Variants in CSTPP1 observed in about 807,000 individuals in gnomAD.
CSTPP1 encodes the protein UPF0705 protein C11orf49.
chr11:47,137,611 A>G, the CSTPP1 span: 6 of 1,614,024 alleles, frequency 3.7e-6, no homozygotes, highest in South Asian at 6.6e-5. Flanking sequence ...TGAAATGCAG[A>G]GACCTAATGT....
At chr11:46,956,147 G>GT in the CSTPP1 span, among the ~76,000 whole-genome samples, 1 of 152,192 alleles carries the variant, frequency 6.6e-6, no homozygotes, top group Admixed American at 6.5e-5. Flanking sequence ...GTGTGGGTGT[G>GT]TAAGTTTTCT....
the CSTPP1 span, among the ~76,000 whole-genome samples, chr11:47,032,396 G>T: frequency 3.3e-5 from 5 of 152,044 alleles, no homozygotes; most frequent in African/African-American, 1.2e-4. Context: ...TGACAGTATT[G>T]TAGACAAAGC....
chr11:47,116,944 G>T, the CSTPP1 span, among the ~76,000 whole-genome samples: 1 of 152,120 alleles, frequency 6.6e-6, no homozygotes, highest in Non-Finnish European at 1.5e-5. Flanking sequence ...GCCTCCCAAA[G>T]TGCTGGGATT....
At chr11:47,017,278 G>A in the CSTPP1 span, among the ~76,000 whole-genome samples, 9 of 150,082 alleles carry the variant, frequency 6.0e-5, no homozygotes, top group Admixed American at 5.3e-4. Context: ...AGGTTCAAGC[G>A]GTTCTCCCAC....
chr11:47,053,389 C>T, the CSTPP1 span, among the ~76,000 whole-genome samples: 1 of 152,088 alleles, frequency 6.6e-6, no homozygotes, highest in African/African-American at 2.4e-5. Flanking sequence ...GATGCCAAGG[C>T]AGGTGGATCA....
the CSTPP1 span, among the ~76,000 whole-genome samples, chr11:47,110,890 C>CTTTTTTTTT: frequency 2.7e-3 from 343 of 125,404 alleles, 11 homozygotes; most frequent in East Asian, 8.9e-3. Context: ...GAGAACACAT[C>CTTTTTTTTT]TTTTTTTTTT....
chr11:47,025,881 A>G, the CSTPP1 span, among the ~76,000 whole-genome samples: 2 of 152,226 alleles, frequency 1.3e-5, no homozygotes, highest in Non-Finnish European at 2.9e-5. Context: ...ATTAGAATTG[A>G]GTTTAAAAAG....
chr11:46,991,109 T>C, the CSTPP1 span, among the ~76,000 whole-genome samples: 1 of 152,176 alleles, frequency 6.6e-6, no homozygotes, highest in Admixed American at 6.5e-5. Flanking sequence ...CTTCTGGTTT[T>C]TGGGAACATT....
the CSTPP1 span, chr11:47,052,760 TACCTATTAAGAGCCA>T: frequency 5.0e-6 from 2 of 396,660 alleles, no homozygotes; most frequent in Non-Finnish European, 8.9e-6. Flanking sequence ...TCACTAATGG[TACCTATTAAGAGCCA>T]AGTGTAGCTC....
the CSTPP1 span, among the ~76,000 whole-genome samples, chr11:47,014,958 A>G: frequency 3.9e-5 from 6 of 152,302 alleles, no homozygotes; most frequent in East Asian, 1.2e-3. Flanking sequence ...AAAATCGGAA[A>G]ATCATGAGCC....
chr11:47,086,265 C>G, the CSTPP1 span, among the ~76,000 whole-genome samples: 1 of 139,370 alleles, frequency 7.2e-6, no homozygotes, highest in Non-Finnish European at 1.5e-5. Context: ...AAATAGCTGG[C>G]TGTGGTAGTA....
At chr11:47,060,929 A>G in the CSTPP1 span, among the ~76,000 whole-genome samples, 4 of 152,234 alleles carry the variant, frequency 2.6e-5, no homozygotes, top group Non-Finnish European at 5.9e-5. Flanking sequence ...GGAGACTACT[A>G]CAATATAACA....
At chr11:47,044,286 C>T in the CSTPP1 span, among the ~76,000 whole-genome samples, 1 of 152,058 alleles carries the variant, frequency 6.6e-6, no homozygotes, top group East Asian at 1.9e-4. Flanking sequence ...CGCTCCTGGA[C>T]AGTTTATTTT....
the CSTPP1 span, among the ~76,000 whole-genome samples, chr11:47,009,154 C>T: frequency 1.3e-5 from 2 of 152,116 alleles, no homozygotes; most frequent in Admixed American, 6.5e-5. Flanking sequence ...TCACCTTTCT[C>T]GGTTTTATTC....
chr11:46,996,961 G>A, the CSTPP1 span, among the ~76,000 whole-genome samples: 3 of 152,278 alleles, frequency 2.0e-5, no homozygotes, highest in South Asian at 4.1e-4. Flanking sequence ...CGGGTAACCC[G>A]ACCTTTCCCT....
the CSTPP1 span, chr11:46,987,570 G>A: frequency 2.9e-6 from 1 of 342,482 alleles, no homozygotes; most frequent in Non-Finnish European, 5.4e-6. Context: ...ATCTATTTCT[G>A]TAGGTTTCTC....
chr11:47,157,719 C>A, the CSTPP1 span: 2 of 1,241,096 alleles, frequency 1.6e-6, no homozygotes, highest in Non-Finnish European at 1.2e-6. Context: ...AGGTCCCTGG[C>A]TTGGCTGTGG....
At chr11:46,938,992 G>A in the CSTPP1 span, among the ~76,000 whole-genome samples, 1 of 150,718 alleles carries the variant, frequency 6.6e-6, no homozygotes, top group Non-Finnish European at 1.5e-5. Flanking sequence ...GTCCAGGTTG[G>A]TCTTGAACTC....
At chr11:47,089,773 T>C in the CSTPP1 span, among the ~76,000 whole-genome samples, 1 of 152,174 alleles carries the variant, frequency 6.6e-6, no homozygotes, top group South Asian at 2.1e-4. Flanking sequence ...ATTGATCAGG[T>C]CAGCAGTGAC....
Sources: allele counts gnomAD v4.1 joint callset (sites outside exome capture counted in the v4.1 genomes callset), GRCh38; gene constraint gnomAD v4.1.1; transcripts MANE v1.5; gene names NCBI Gene and HGNC (gene_info 2026-07-23, HGNC 2026-07-21).